PTPRN2: variants seen among roughly 807,000 people sequenced by gnomAD.
PTPRN2 encodes receptor-type tyrosine-protein phosphatase N2.
A neutral mutation model predicts 118.8 loss-of-function variants in PTPRN2; 74 were observed. The observed-to-expected ratio is 0.62, with a 90% CI of 0.52 to 0.76. The LOEUF is 0.76. Ranked by LOEUF, PTPRN2 falls within the 30% of genes least tolerant of loss-of-function variation. The pLI, the probability that PTPRN2 is intolerant of heterozygous loss-of-function variation, is 0.00. For synonymous variants in PTPRN2, 641 were observed against 608.0 expected (o/e 1.05, Z -0.80); for missense variants, 1,481 against 1,394.4 (o/e 1.06, Z -0.99).
intron 3 of PTPRN2, among the ~76,000 whole-genome samples, chr7:158,296,687 G>A (rs1488954269): frequency 6.6e-6 from 1 of 152,242 alleles, no homozygotes; most frequent in Non-Finnish European, 1.5e-5. Context: ...CTGCAGGTGG[G>A]AGCAGTGGGG....
rs113644624 is a variant in PTPRN2 at position 158,267,175 on chromosome 7, T to C, written c.277+49644A>G. 8.0e-3 allele frequency among the ~76,000 whole-genome samples: 1,220 copies of C among 152,306 alleles called. 16 individuals carry two copies. Among genetic ancestry groups the C allele is most frequent in the African/African-American group, 0.028 (1,148 of 41,574 alleles). ...TTTGCGTGGAATTTTAAAAGCTGCT[T>C]AATCAGGAAGGAGCCAGTCAGGAAA... On this transcript the variant is annotated intron_variant, in intron 3 of 22. Transcript: ENST00000389418.
intron 11 of PTPRN2, chr7:158,029,341 A>T (rs1186566125): frequency 1.3e-5 from 2 of 152,218 alleles, no homozygotes; most frequent in African/African-American, 4.8e-5. Context: ...GGCCAATCCT[A>T]TGATTTCCCT....
intron 12 of PTPRN2, among the ~76,000 whole-genome samples, chr7:157,866,404 A>C (rs984643281): frequency 6.6e-6 from 1 of 152,116 alleles, no homozygotes; most frequent in Non-Finnish European, 1.5e-5. Context: ...ATGTACACAC[A>C]TACATACATA....
chr7:158,019,192 A>T (rs542869602), intron 11 of PTPRN2, among the ~76,000 whole-genome samples: 2 of 152,330 alleles, frequency 1.3e-5, no homozygotes, highest in Admixed American at 6.5e-5. Context: ...GCACTGGCAA[A>T]ATGCCACTCA....
rs1344398397 is a variant in PTPRN2 at position 158,281,599 on chromosome 7, C to T, written c.277+35220G>A. On this transcript the variant is annotated intron_variant, in intron 3 of 22. Transcript: ENST00000389418. The stretch of plus-strand genomic sequence containing the variant: ...TCGGGTGTGTGGTGTGCGTGGTGCC[C>T]TGCGCATTTGTGCTGGCTTTGCACC... Among the ~76,000 whole-genome samples, 3 of 152,210 alleles carry T rather than the reference C, an allele frequency of 2.0e-5. No homozygotes were observed. The East Asian group carries it at 5.8e-4, about 29-fold the overall frequency.
intron 1 of PTPRN2, among the ~76,000 whole-genome samples, chr7:158,503,705 CATT>C (rs1822541346): frequency 6.6e-6 from 1 of 152,320 alleles, no homozygotes; most frequent in South Asian, 2.1e-4. Context: ...TCACTTGAAA[CATT>C]ATTGGGAACT....
At chr7:158,333,431 G>A (rs1298841113) in intron 2 of PTPRN2, among the ~76,000 whole-genome samples, 1 of 147,162 alleles carries the variant, frequency 6.8e-6, no homozygotes, top group Non-Finnish European at 1.5e-5. Context: ...GTCACCATAA[G>A]AGGTGACACC....
chr7:157,862,643 T>C (rs1446032079), intron 12 of PTPRN2: 1 of 152,232 alleles, frequency 6.6e-6, no homozygotes, highest in Non-Finnish European at 1.5e-5. Context: ...TGGTCAAGAA[T>C]CATGTTCTAG....
intron 2 of PTPRN2, among the ~76,000 whole-genome samples, chr7:158,436,063 C>T (rs905896991): frequency 6.6e-6 from 1 of 152,148 alleles, no homozygotes; most frequent in East Asian, 1.9e-4. Context: ...GGGTGGATCT[C>T]ATGTTATATG....
At chr7:157,840,480 G>C (rs368060174) in intron 12 of PTPRN2, among the ~76,000 whole-genome samples, 34 of 151,404 alleles carry the variant, frequency 2.2e-4, no homozygotes, top group African/African-American at 8.1e-4. Context: ...GGCCACGTGT[G>C]ACTGTGTGAC....
At chr7:158,463,516 A>G (rs1375734048) in intron 2 of PTPRN2, among the ~76,000 whole-genome samples, 2 of 152,020 alleles carry the variant, frequency 1.3e-5, no homozygotes, top group Non-Finnish European at 2.9e-5. Flanking sequence ...CATCATCACC[A>G]TCATTGTCAT....
intron 10 of PTPRN2, among the ~76,000 whole-genome samples, chr7:158,087,287 A>G (rs757568090): frequency 1.1e-4 from 17 of 152,194 alleles, no homozygotes; most frequent in Non-Finnish European, 1.9e-4. Context: ...TGGTTGATAC[A>G]AGGGAGGGGA....
chr7:158,354,066 T>C (rs951513924), intron 2 of PTPRN2, among the ~76,000 whole-genome samples: 2 of 152,214 alleles, frequency 1.3e-5, no homozygotes, highest in African/African-American at 4.8e-5. Context: ...TCCCACGTTA[T>C]CAGGACATCC....
chr7:157,637,847 C>T (rs1382720950), intron 14 of PTPRN2, among the ~76,000 whole-genome samples: 7 of 152,184 alleles, frequency 4.6e-5, no homozygotes, highest in South Asian at 2.1e-4. Context: ...TCTGTGCCAA[C>T]GATGTACTCA....
chr7:158,441,320 GAA>G lies in PTPRN2; in HGVS notation c.163+48413_163+48414del, dbSNP rs1202617612. ...TGGTGATAGTAATGGTGATGGCAAT[GAA>G]GGTGATGGTGATGGTGATCAGTGAT... On this transcript the variant is annotated intron_variant, in intron 2 of 22. Coordinates refer to ENST00000389418, the MANE Select transcript of PTPRN2 (RefSeq NM_002847.5). Among the ~76,000 whole-genome samples the G allele has an allele frequency of 1.6e-4, 18 of 114,144 alleles. 4 individuals are homozygous for G. Among genetic ancestry groups the G allele is most frequent in the African/African-American group, 4.1e-4 (14 of 34,036 alleles). The allele number at this position is 114,144 out of a possible 152,430, so 74.9% of individuals were successfully genotyped here.
rs1800491578 is a variant in PTPRN2 at position 157,583,295 on chromosome 7, G to C, written c.2497-5155C>G. Among the ~76,000 whole-genome samples the C allele has an allele frequency of 6.6e-6, 1 of 152,114 alleles. No individual in the cohort carries two copies. The highest frequency in any genetic ancestry group is 6.5e-5 in the Admixed American group (1 of 15,284). On this transcript the variant is annotated intron_variant, in intron 17 of 22. Coordinates refer to ENST00000389418, the MANE Select transcript of PTPRN2 (RefSeq NM_002847.5). The surrounding 1 kb of genome is among the most constrained non-coding windows in gnomAD (Gnocchi z 5.5). ...GACGAACTCAGGGACAGAGTAGAAG[G>C]GGGGCTGCCAGGGCCTGGGGCTGAG...
In PTPRN2 at chr7:158,252,331, C is replaced by CA. The variant is rs111338707; in HGVS notation, c.278-47059dup. The stretch of plus-strand genomic sequence containing the variant: ...CAATTACTTGGAGGAAAAATGGAAT[C>CA]ATCCCCGTGCCCAGGGTGGTGAGTG... On this transcript the variant is annotated intron_variant, in intron 3 of 22. Coordinates refer to ENST00000389418, the MANE Select transcript of PTPRN2 (RefSeq NM_002847.5). 2.6e-3 allele frequency among the ~76,000 whole-genome samples: 389 copies of CA among 152,326 alleles called. 5 individuals are homozygous for CA. The highest frequency in any genetic ancestry group is 9.0e-3 in the African/African-American group (373 of 41,576).
At chr7:158,543,550 T>C (rs546072327) in intron 1 of PTPRN2, among the ~76,000 whole-genome samples, 2 of 152,362 alleles carry the variant, frequency 1.3e-5, no homozygotes, top group Admixed American at 1.3e-4. Context: ...GTAAAAAAAC[T>C]GTTACCAAGA....
At chr7:158,135,571 G>A (rs1818736148) in intron 8 of PTPRN2, among the ~76,000 whole-genome samples, 1 of 152,146 alleles carries the variant, frequency 6.6e-6, no homozygotes, top group African/African-American at 2.4e-5. Flanking sequence ...ACGCATGGAG[G>A]ATGAAAAGCC....
Sources: allele counts gnomAD v4.1 joint callset (sites outside exome capture counted in the v4.1 genomes callset), GRCh38; gene constraint gnomAD v4.1.1; non-coding constraint Gnocchi (gnomAD v3.1); transcripts MANE v1.5; gene names NCBI Gene and HGNC (gene_info 2026-07-23, HGNC 2026-07-21).